Variants in DYM observed in about 807,000 individuals in gnomAD.
DYM encodes the protein dymeclin.
A neutral mutation model predicts 93.1 loss-of-function variants in DYM; 78 were observed. That is an observed-to-expected ratio of 0.84 (90% CI 0.70 to 1.01). DYM has a LOEUF of 1.01. DYM is among the 50% of genes least tolerant of loss of function. The pLI is 0.00. For missense variants in DYM, 789 were observed against 845.0 expected, an observed-to-expected ratio of 0.93 and a Z score of 0.82; for synonymous variants, 321 against 319.7, an observed-to-expected ratio of 1.00 and a Z score of -0.04.
rs1390446186 is a variant in DYM at position 49,043,136 on chromosome 18, T to C, written c.*919A>G. 1 of 151,852 alleles carries C rather than the reference T, an allele frequency of 6.6e-6. No individual in the cohort carries two copies. The highest frequency in any genetic ancestry group is 1.5e-5 in the Non-Finnish European group (1 of 67,978). The allele number at this position is 151,852 out of a possible 1,614,324, so 9.4% of individuals were successfully genotyped here. On this transcript the variant is annotated 3_prime_UTR_variant, in exon 18 of 18. Coordinates refer to ENST00000675505, the MANE Select transcript of DYM (RefSeq NM_001353214.3). ...CATTTTCTTTTTCTTTTCTTTCTTTTTTTTTTTTTGCGAGACAGGGTCTCA... is the reference window on the plus strand; with the variant it reads ...CATTTTCTTTTTCTTTTCTTTCTTTCTTTTTTTTTGCGAGACAGGGTCTCA...
At chr18:49,365,157 CA>C (rs35363196) in intron 5 of DYM, among the ~76,000 whole-genome samples, 15 of 144,268 alleles carry the variant, frequency 1.0e-4, no homozygotes, top group East Asian at 2.0e-4. Context: ...CTTGGAGTCT[CA>C]AAAAAAAAAA....
In DYM at chr18:49,043,961, C is replaced by G; in HGVS notation, c.*94G>C. On this transcript the variant is annotated 3_prime_UTR_variant, in exon 18 of 18. Transcript: ENST00000675505. Reference sequence around the variant, plus strand: ...CAATCCTCTTTAACAGAAGATACACCAAGTAACCTGTCTGTCTACTTCTGT... The same window carrying G: ...CAATCCTCTTTAACAGAAGATACACGAAGTAACCTGTCTGTCTACTTCTGT... 1.4e-6 allele frequency: 2 copies of G among 1,432,144 alleles called. No homozygotes were observed. The highest frequency in any genetic ancestry group is 1.9e-6 in the Non-Finnish European group (2 of 1,030,538). The allele number at this position is 1,432,144 out of a possible 1,614,324, so 88.7% of individuals were successfully genotyped here.
intron 16 of DYM, among the ~76,000 whole-genome samples, chr18:49,115,489 AAAAG>A (rs1169331874): frequency 2.0e-5 from 3 of 152,238 alleles, no homozygotes; most frequent in Non-Finnish European, 4.4e-5. Context: ...TTTAAAGGAA[AAAAG>A]AAAGATAGGA....
chr18:49,080,775 C>T (rs2077894543), intron 17 of DYM, among the ~76,000 whole-genome samples: 2 of 149,224 alleles, frequency 1.3e-5, no homozygotes, highest in African/African-American at 5.0e-5. Flanking sequence ...GGGCTCCTCA[C>T]TTCTCAGACG....
In DYM at chr18:49,057,768, T is replaced by G. The variant is rs114511452; in HGVS notation, c.2026-13564A>C. On this transcript the variant is annotated intron_variant, in intron 17 of 17. Transcript: ENST00000675505. ...TAAACTTTTAAGACTACCATGTACC[T>G]CTCCCATTTAGGCTATGAATGGTAT... Among the ~76,000 whole-genome samples the G allele has an allele frequency of 7.4e-3, 1,127 of 152,354 alleles. 14 individuals are homozygous for G. The highest frequency in any genetic ancestry group is 0.025 in the African/African-American group (1,053 of 41,580).
At chr18:49,297,856 AG>A (rs2146100075) in intron 8 of DYM, among the ~76,000 whole-genome samples, 1 of 152,284 alleles carries the variant, frequency 6.6e-6, no homozygotes, top group South Asian at 2.1e-4. Context: ...TCTTTATTAA[AG>A]GGCATAATCC....
intron 13 of DYM, among the ~76,000 whole-genome samples, chr18:49,236,483 A>T (rs2093868002): frequency 7.1e-6 from 1 of 140,112 alleles, no homozygotes; most frequent in South Asian, 2.3e-4. Flanking sequence ...CTGTCTCAAA[A>T]AAAAAAATAA....
chr18:49,195,234 C>CA lies in DYM; in HGVS notation c.1625+14316_1625+14317insT, dbSNP rs2145767304. 2.0e-5 allele frequency among the ~76,000 whole-genome samples: 3 copies of CA among 152,172 alleles called. No individual in the cohort carries two copies. The East Asian group carries it at 5.8e-4, about 29-fold the overall frequency. On this transcript the variant is annotated intron_variant, in intron 14 of 17. Transcript: ENST00000675505. ...TCAGTTCACTGTCTACTCAAAGTAT[C>CA]GTGTTACTTTAAAATTAAGTTTTCT...
chr18:49,359,962 C>A (rs1265525553), intron 6 of DYM: 2 of 152,268 alleles, frequency 1.3e-5, no homozygotes, highest in East Asian at 3.9e-4. Flanking sequence ...CCAAGACAAA[C>A]CTTCTTGTAG....
At position 49,379,697 on chromosome 18, in the gene DYM, G is replaced by A; in HGVS notation, c.255C>T (p.Thr85=). The change falls in exon 4 of 18, where the codon ACC becomes ACT. Residue 85 remains threonine, a synonymous_variant. Transcript: ENST00000675505. ...ATTCTGCTGAAAGTTTTAGTTCTTTGGTTCTAGAAAGGAAGACCTTAATTA... is the reference window on the plus strand; with the variant it reads ...ATTCTGCTGAAAGTTTTAGTTCTTTAGTTCTAGAAAGGAAGACCTTAATTA... ...GALIKVFLSR[T]KELKLSAECQ... 6.2e-7 allele frequency: 1 copy of A among 1,613,154 alleles called. No homozygotes were observed. Among genetic ancestry groups the A allele is most frequent in the Non-Finnish European group, 8.5e-7 (1 of 1,179,388 alleles).
intron 8 of DYM, among the ~76,000 whole-genome samples, chr18:49,315,172 A>T (rs2061845902): frequency 6.6e-6 from 1 of 151,718 alleles, no homozygotes; most frequent in Admixed American, 6.6e-5. Context: ...CTGAGATCAC[A>T]TTACTGCACT....
chr18:49,173,663 T>C (rs1245588517), intron 14 of DYM, among the ~76,000 whole-genome samples: 1 of 152,138 alleles, frequency 6.6e-6, no homozygotes, highest in African/African-American at 2.4e-5. Flanking sequence ...AATAAAATTA[T>C]TATATACTGA....
chr18:49,096,724 A>C (rs2079579217), intron 17 of DYM, among the ~76,000 whole-genome samples: 1 of 152,210 alleles, frequency 6.6e-6, no homozygotes, highest in African/African-American at 2.4e-5. Context: ...TACATCTATC[A>C]AACAGATGTA....
intron 13 of DYM, among the ~76,000 whole-genome samples, chr18:49,246,254 C>T (rs1292187560): frequency 6.6e-6 from 1 of 152,186 alleles, no homozygotes; most frequent in African/African-American, 2.4e-5. Flanking sequence ...ACATCTGATT[C>T]AGTATGTATT....
At chr18:49,218,964 G>A (rs2093213793) in intron 13 of DYM, among the ~76,000 whole-genome samples, 1 of 152,118 alleles carries the variant, frequency 6.6e-6, no homozygotes, top group African/African-American at 2.4e-5. Flanking sequence ...AATGAATTCA[G>A]GAGCTGGTTT....
At chr18:49,248,893 A>T (rs1339025807) in intron 13 of DYM, among the ~76,000 whole-genome samples, 2 of 152,216 alleles carry the variant, frequency 1.3e-5, no homozygotes, top group African/African-American at 4.8e-5. Flanking sequence ...ACCTGTCTCA[A>T]ACATGTCAGT....
At chr18:49,057,905 C>T (rs114766862) in intron 17 of DYM, among the ~76,000 whole-genome samples, 2,279 of 152,318 alleles carry the variant, frequency 0.015, 64 homozygotes, top group African/African-American at 0.052. Flanking sequence ...TAAACCATTA[C>T]GGCTGATGAG....
At chr18:49,123,572 A>G (rs2082560677) in intron 15 of DYM, among the ~76,000 whole-genome samples, 1 of 152,154 alleles carries the variant, frequency 6.6e-6, no homozygotes, top group Non-Finnish European at 1.5e-5. Context: ...TGAGCTCCCA[A>G]CCACTTCTCC....
chr18:49,172,475 G>A (rs2088876184), intron 14 of DYM, among the ~76,000 whole-genome samples: 2 of 152,188 alleles, frequency 1.3e-5, no homozygotes, highest in African/African-American at 4.8e-5. Flanking sequence ...AGCCATTTTA[G>A]TGGGTGTGAA....
Sources: allele counts gnomAD v4.1 joint callset (sites outside exome capture counted in the v4.1 genomes callset), GRCh38; gene constraint gnomAD v4.1.1; transcripts MANE v1.5; gene names NCBI Gene and HGNC (gene_info 2026-07-23, HGNC 2026-07-21).